The following ANKRD11 variants were observed in gnomAD, a reference collection of about 807,000 sequenced individuals.
ANKRD11 encodes the protein ankyrin repeat domain 11.
In ANKRD11, 17 loss-of-function variants were observed where a neutral mutation model predicts 195.7. The observed-to-expected ratio is 0.09, with a 90% CI of 0.06 to 0.13. The LOEUF (loss-of-function observed/expected upper bound fraction) is 0.13, where lower values mean the gene tolerates loss of function less well. Ranked by LOEUF, ANKRD11 falls within the 10% of genes least tolerant of loss-of-function variation. ANKRD11 has a pLI of 1.00. For missense variants in ANKRD11, 3,735 were observed against 3,566.1 expected, an observed-to-expected ratio of 1.05 and a Z score of -1.21; for synonymous variants, 1,953 against 1,528.1, an observed-to-expected ratio of 1.28 and a Z score of -6.49.
intron 2 of ANKRD11, among the ~76,000 whole-genome samples, chr16:89,317,988 G>A (rs1052238407): frequency 6.6e-6 from 1 of 152,158 alleles, no homozygotes; most frequent in Non-Finnish European, 1.5e-5. Context: ...CACAAAGCCT[G>A]CAAGAACTTT....
intron 1 of ANKRD11, among the ~76,000 whole-genome samples, chr16:89,474,533 T>C (rs182977993): frequency 1.3e-5 from 2 of 151,908 alleles, no homozygotes; most frequent in African/African-American, 4.8e-5. Flanking sequence ...AAAGCTTTCA[T>C]CCATGCTACT....
intron 9 of ANKRD11, chr16:89,278,697 A>G (rs1395087648): frequency 2.1e-6 from 1 of 478,834 alleles, no homozygotes; most frequent in Admixed American, 2.3e-5. Context: ...GGGGCGGGGC[A>G]GGGGCAGGAG....
chr16:89,420,236 G>T (rs143777101), intron 1 of ANKRD11: 19 of 152,352 alleles, frequency 1.2e-4, no homozygotes, highest in African/African-American at 3.8e-4. Context: ...AAGCCAGCGA[G>T]GAACCCCAGC....
intron 1 of ANKRD11, among the ~76,000 whole-genome samples, chr16:89,429,195 C>T (rs1423160669): frequency 1.6e-5 from 2 of 121,636 alleles, no homozygotes; most frequent in East Asian, 2.7e-4. Flanking sequence ...CACGCTCAGA[C>T]GTTCTAGTAC....
chr16:89,284,718 C>A lies in ANKRD11; in HGVS notation c.1824G>T (p.Lys608Asn). 1 of 1,613,692 alleles carries A rather than the reference C, an allele frequency of 6.2e-7. No individual in the cohort carries two copies. Among genetic ancestry groups the A allele is most frequent in the Non-Finnish European group, 8.5e-7 (1 of 1,179,850 alleles). ...CCTCCGCGCTGGACAGGAAGGGGCT[C>A]TTCTTCTCCGACAGGGAGGCTCGCT... ...HRKRASLSEK[K>N]SPFLSSAEGA... The change falls in exon 9 of 13, where the codon AAG becomes AAT. Residue 608 changes from lysine (K) to asparagine (N), a missense_variant. Coordinates refer to ENST00000301030, the MANE Select transcript of ANKRD11 (RefSeq NM_013275.6).
At chr16:89,457,300 A>G (rs1453237136) in intron 1 of ANKRD11, among the ~76,000 whole-genome samples, 4 of 151,076 alleles carry the variant, frequency 2.6e-5, no homozygotes, top group African/African-American at 9.7e-5. Flanking sequence ...GTCAGACTCA[A>G]AAGACTACAA....
chr16:89,338,898 A>G (rs1428535547), intron 2 of ANKRD11, among the ~76,000 whole-genome samples: 2 of 152,182 alleles, frequency 1.3e-5, no homozygotes, highest in Non-Finnish European at 2.9e-5. Context: ...AAGCCTAATT[A>G]GTAACAAAAA....
At position 89,319,171 on chromosome 16, in the gene ANKRD11, C is replaced by A. The variant is rs1355197905; in HGVS notation, c.-59-2093G>T. 3.9e-5 allele frequency among the ~76,000 whole-genome samples: 6 copies of A among 152,378 alleles called. No homozygotes were observed. The South Asian group carries it at 8.3e-4, about 21-fold the overall frequency. On this transcript the variant is annotated intron_variant, in intron 2 of 12. Transcript: ENST00000301030. ...CACCGTCCTGATCCCAGATGTGAGT[C>A]TGTGGCCCACGGACACACTCAACAG...
chr16:89,368,949 G>A (rs961892596), intron 2 of ANKRD11, among the ~76,000 whole-genome samples: 2 of 152,172 alleles, frequency 1.3e-5, no homozygotes, highest in African/African-American at 4.8e-5. Flanking sequence ...GGGACTCTAA[G>A]AGAAGGTCTT....
chr16:89,479,338 T>C (rs1454808656), intron 1 of ANKRD11, among the ~76,000 whole-genome samples: 1 of 151,390 alleles, frequency 6.6e-6, no homozygotes, highest in East Asian at 1.9e-4. Flanking sequence ...TGACCTGATA[T>C]AAAAAATATC....
Position 89,411,350 on chromosome 16 carries a change from G to A in ANKRD11, c.-60+6934C>T, listed in dbSNP as rs535052025. Among the ~76,000 whole-genome samples the A allele has an allele frequency of 7.2e-5, 11 of 152,328 alleles. 1 individual carries two copies. The highest frequency in any genetic ancestry group is 2.1e-4 in the South Asian group (1 of 4,828). On this transcript the variant is annotated intron_variant, in intron 2 of 12. Transcript: ENST00000301030. Reference sequence around the variant, plus strand: ...AGCGGTGGGAAACCTTGACTGCACCGGAAGAGGAGCAGGCTGCCCTGGCTG... The same window carrying A: ...AGCGGTGGGAAACCTTGACTGCACCAGAAGAGGAGCAGGCTGCCCTGGCTG...
rs765145162 is a variant in ANKRD11 at position 89,286,078 on chromosome 16, C to G, written c.853G>C (p.Gly285Arg). The G allele has an allele frequency of 1.9e-6, 3 of 1,614,230 alleles. No homozygotes were observed. Among genetic ancestry groups the G allele is most frequent in the Admixed American group, 3.3e-5 (2 of 60,036 alleles). Residue 285 changes from glycine (G) to arginine (R), a missense_variant, in exon 8 of 13, where the codon GGC becomes CGC. Physicochemically the swap from Gly to Arg is moderately radical, Grantham distance 125 (BLOSUM62 -2). Coordinates refer to ENST00000301030, the MANE Select transcript of ANKRD11 (RefSeq NM_013275.6). Reference sequence around the variant, plus strand: ...TCGCTGGAAGTGTAAGTGCCTTTGCCTAACAGGAGGTTCACCATCGTGGGG... The same window carrying G: ...TCGCTGGAAGTGTAAGTGCCTTTGCGTAACAGGAGGTTCACCATCGTGGGG... ...NSPTMVNLLLGKGTYTSSEES... is the reference protein window; with the variant it reads ...NSPTMVNLLLRKGTYTSSEES...
At chr16:89,370,718 C>G (rs1597814260) in intron 2 of ANKRD11, 1 of 152,334 alleles carries the variant, frequency 6.6e-6, no homozygotes, top group Admixed American at 6.5e-5. Context: ...CAGAAGGGAG[C>G]TTTCATCACG....
chr16:89,420,005 C>T (rs2042447199), intron 1 of ANKRD11: 1 of 152,288 alleles, frequency 6.6e-6, no homozygotes, highest in Non-Finnish European at 1.5e-5. Context: ...GAGTCCCCAT[C>T]TCTACAAAAA....
rs971951086 is a variant in ANKRD11 at position 89,283,122 on chromosome 16, G to C, written c.3420C>G (p.Ala1140=). 1.9e-6 allele frequency: 3 copies of C among 1,613,716 alleles called. No homozygotes were observed. The African/African-American group carries it at 4.0e-5, about 22-fold the overall frequency. ...CMGSGFKMGE[A]SDLPRTDGLQ... ...GGCCGTCCGTCCTCGGCAAGTCGCT[G>C]GCCTCTCCCATCTTGAACCCGCTCC... The change falls in exon 9 of 13, where the codon GCC becomes GCG. Residue 1140 remains alanine (A), a synonymous_variant. Coordinates refer to ENST00000301030, the MANE Select transcript of ANKRD11 (RefSeq NM_013275.6). The surrounding 1 kb of genome is among the most constrained non-coding windows in gnomAD (Gnocchi z 4.3).
In ANKRD11 at chr16:89,267,948, C is replaced by G. The variant is rs1299777513; in HGVS notation, c.*530G>C. The G allele has an allele frequency of 6.1e-6, 1 of 164,958 alleles. No homozygotes were observed. Among genetic ancestry groups the G allele is most frequent in the Non-Finnish European group, 1.3e-5 (1 of 75,212 alleles). 10.2% of individuals were successfully genotyped at this position (164,958 alleles called of 1,614,324 possible). On this transcript the variant is annotated 3_prime_UTR_variant, in exon 13 of 13. Transcript: ENST00000301030. ...TGGCTCTGTGTCCCTCCGCCTGGCT[C>G]CGCACCAGGTCTGAAGCCCAGTCTG...
In ANKRD11 at chr16:89,300,575, C is replaced by A. The variant is rs148948429; in HGVS notation, c.226+4631G>T. The stretch of plus-strand genomic sequence containing the variant: ...CACACTTGTCGCCTCTAGCACTGGG[C>A]AAGGTCTGGCATTCAGAGTTCCAAG... On this transcript the variant is annotated intron_variant, in intron 4 of 12. Transcript: ENST00000301030. 1.7e-4 allele frequency: 66 copies of A among 381,826 alleles called. 1 individual carries two copies. Among genetic ancestry groups the A allele is most frequent in the African/African-American group, 1.2e-3 (59 of 47,694 alleles). 23.7% of individuals were successfully genotyped at this position (381,826 alleles called of 1,614,324 possible). A position where few individuals can be genotyped will look rare whatever the true frequency, so the allele number is the denominator to read the frequency against.
chr16:89,442,564 T>C (rs1049439485), intron 1 of ANKRD11, among the ~76,000 whole-genome samples: 3 of 152,132 alleles, frequency 2.0e-5, no homozygotes, highest in Admixed American at 1.3e-4. Context: ...CAAACCTGTT[T>C]CCACCAGCTG....
chr16:89,364,088 A>C (rs1021371224), intron 2 of ANKRD11, among the ~76,000 whole-genome samples: 1 of 151,976 alleles, frequency 6.6e-6, no homozygotes, highest in Non-Finnish European at 1.5e-5. Flanking sequence ...ACACACACTC[A>C]ATGGAAGGCA....
Sources: gnomAD v4.1 joint callset for allele counts (sites outside exome capture counted in the v4.1 genomes callset) on GRCh38, gnomAD v4.1.1 for gene constraint, Gnocchi (gnomAD v3.1) non-coding constraint, MANE v1.5 for transcripts, NCBI Gene and HGNC (gene_info 2026-07-23, HGNC 2026-07-21) for gene names.